CDC42BPA: variants seen among roughly 807,000 people sequenced by gnomAD.
CDC42BPA encodes CDC42 binding protein kinase alpha, also known as serine/threonine-protein kinase MRCK alpha.
In CDC42BPA, 80 loss-of-function variants were observed where a neutral mutation model predicts 223.5. The observed-to-expected ratio is 0.36, with a 90% CI of 0.30 to 0.43. CDC42BPA has a LOEUF of 0.43. Ranked by LOEUF, CDC42BPA falls within the 20% of genes least tolerant of loss-of-function variation. The pLI is 1.00. For synonymous variants in CDC42BPA, 694 were observed against 718.6 expected (o/e 0.97, Z 0.55); for missense variants, 1,743 against 2,099.9 (o/e 0.83, Z 3.32).
intron 33 of CDC42BPA, 138 bp from the exon 34 acceptor site, chr1:227,016,335 C>T (rs1207540367): frequency 1.6e-6 from 1 of 629,374 alleles, no homozygotes; most frequent in Non-Finnish European, 2.8e-6. Flanking sequence ...ACAGAATATA[C>T]TCAATTAAAA....
intron 2 of CDC42BPA, among the ~76,000 whole-genome samples, chr1:227,223,238 G>A (rs912076730): frequency 2.0e-5 from 3 of 152,164 alleles, no homozygotes; most frequent in Non-Finnish European, 4.4e-5. Context: ...AGTAGGGACA[G>A]CATAAGCAAG....
chr1:227,040,304 C>T, intron 23 of CDC42BPA, 68 bp from the exon 24 acceptor site: 1 of 845,940 alleles, frequency 1.2e-6, no homozygotes, highest in Non-Finnish European at 2.0e-6. Context: ...AGTCCTTATG[C>T]CCCATACCAC....
intron 2 of CDC42BPA, among the ~76,000 whole-genome samples, chr1:227,238,038 CAAAAAA>C (rs35731369): frequency 2.1e-4 from 19 of 91,290 alleles, no homozygotes; most frequent in African/African-American, 7.4e-4. Flanking sequence ...AACTCTGTCT[CAAAAAA>C]AAAAAAAAAA....
In CDC42BPA at chr1:227,006,829, C is replaced by T. The variant is rs537069287; in HGVS notation, c.4858-1718G>A. On this transcript the variant is annotated intron_variant, in intron 34 of 36. Transcript: ENST00000366766. ...GCACATGCCTGTAGTCCCAGCTACT[C>T]GGGAGTCTGAGGCAGGAGAATCACT... Among the ~76,000 whole-genome samples the T allele has an allele frequency of 5.9e-5, 9 of 152,118 alleles. No homozygotes were observed. In the South Asian group the frequency reaches 6.2e-4, roughly 11 times the overall value.
chr1:227,298,016 T>C (rs1691002646), intron 1 of CDC42BPA, among the ~76,000 whole-genome samples: 1 of 146,938 alleles, frequency 6.8e-6, no homozygotes, highest in African/African-American at 2.5e-5. Flanking sequence ...ATACATAATA[T>C]ATACATACAT....
At chr1:227,008,652 A>G (rs1012876185) in intron 34 of CDC42BPA, among the ~76,000 whole-genome samples, 5 of 152,180 alleles carry the variant, frequency 3.3e-5, no homozygotes, top group Admixed American at 3.3e-4. Context: ...CAAAACAACT[A>G]AAAAAGGGCC....
chr1:227,162,915 TGTGTGTTTCCAAACATATG>T (rs1664221625), intron 5 of CDC42BPA, among the ~76,000 whole-genome samples: 2 of 151,632 alleles, frequency 1.3e-5, no homozygotes, highest in African/African-American at 2.4e-5. Context: ...TGTGTATATG[TGTGTGTTTCCAAACATATG>T]TGTGTGTTTC....
intron 35 of CDC42BPA, among the ~76,000 whole-genome samples, chr1:227,003,219 T>C (rs1406429054): frequency 6.6e-6 from 1 of 152,190 alleles, no homozygotes; most frequent in East Asian, 1.9e-4. Context: ...ACAAGTAAGT[T>C]TTCTGACTCA....
chr1:227,006,431 G>T (rs1287291781), intron 34 of CDC42BPA, among the ~76,000 whole-genome samples: 1 of 152,162 alleles, frequency 6.6e-6, no homozygotes, highest in African/African-American at 2.4e-5. Context: ...AGGGCTTGGG[G>T]TTGCTAAACT....
intron 6 of CDC42BPA, among the ~76,000 whole-genome samples, chr1:227,154,273 A>G (rs1453857537): frequency 2.0e-5 from 3 of 151,964 alleles, no homozygotes; most frequent in Non-Finnish European, 2.9e-5. Context: ...TCTTAATTTG[A>G]TAAGATATAT....
intron 34 of CDC42BPA, among the ~76,000 whole-genome samples, chr1:227,015,419 T>A (rs1666011731): frequency 7.6e-6 from 1 of 131,462 alleles, no homozygotes; most frequent in African/African-American, 2.5e-5. Flanking sequence ...TGAGACTCCA[T>A]CTCAAAAAAA....
chr1:227,132,854 C>T (rs1449994809), intron 10 of CDC42BPA, among the ~76,000 whole-genome samples: 8 of 150,734 alleles, frequency 5.3e-5, no homozygotes, highest in African/African-American at 2.0e-4. Context: ...GCGTCTCTGC[C>T]CGGCCGCCCC....
rs565800905 is a variant in CDC42BPA at position 227,125,968 on chromosome 1, A to G, written c.1513+3141T>C. ...CAGCATCCACTTTGAATGCAGGTTT[A>G]GCTTTCTTGTTTCAGAGGCAGGGTT... is the stretch of plus-strand genomic sequence containing the variant. On this transcript the variant is annotated intron_variant, in intron 11 of 36. Coordinates refer to ENST00000366766, the MANE Select transcript of CDC42BPA (RefSeq NM_001394014.1). Among the ~76,000 whole-genome samples, 3 of 152,236 alleles carry G rather than the reference A, an allele frequency of 2.0e-5. No individual in the cohort carries two copies. The East Asian group carries it at 5.8e-4, about 29-fold the overall frequency.
rs1403607221 is a variant in CDC42BPA at position 227,024,301 on chromosome 1, C to A, written c.4531-954G>T. On this transcript the variant is annotated intron_variant, in intron 31 of 36. Coordinates refer to ENST00000366766, the MANE Select transcript of CDC42BPA (RefSeq NM_001394014.1). Reference sequence around the variant, plus strand: ...ACTACTTTGTAACCATTTACAAAACCTATGAATCCTGACAATGGAAAGTAC... The same window carrying A: ...ACTACTTTGTAACCATTTACAAAACATATGAATCCTGACAATGGAAAGTAC... 3.9e-5 allele frequency among the ~76,000 whole-genome samples: 6 copies of A among 152,146 alleles called. No homozygotes were observed. In the East Asian group the frequency reaches 1.2e-3, roughly 29 times the overall value.
intron 21 of CDC42BPA, among the ~76,000 whole-genome samples, chr1:227,053,487 T>A (rs1332743986): frequency 6.6e-6 from 1 of 152,110 alleles, no homozygotes; most frequent in Non-Finnish European, 1.5e-5. Context: ...TTTAAAAAAC[T>A]GGGCCACTGA....
intron 16 of CDC42BPA, among the ~76,000 whole-genome samples, chr1:227,086,088 G>A (rs1445130979): frequency 6.6e-6 from 1 of 151,652 alleles, no homozygotes; most frequent in Non-Finnish European, 1.5e-5. Context: ...AACAGAATAT[G>A]CAGTCTTTTG....
At chr1:227,301,961 G>A (rs1185327278) in intron 1 of CDC42BPA, among the ~76,000 whole-genome samples, 1 of 151,902 alleles carries the variant, frequency 6.6e-6, no homozygotes, top group Admixed American at 6.6e-5. Context: ...CATTTCCTAA[G>A]CAACCTTAAA....
chr1:227,205,639 T>C (rs1056233275), intron 3 of CDC42BPA, among the ~76,000 whole-genome samples: 1 of 152,074 alleles, frequency 6.6e-6, no homozygotes, highest in African/African-American at 2.4e-5. Flanking sequence ...ATAGAAAAAC[T>C]AATAAAACAA....
At chr1:227,093,095 A>G (rs907671735) in intron 15 of CDC42BPA, among the ~76,000 whole-genome samples, 15 of 152,228 alleles carry the variant, frequency 9.9e-5, no homozygotes, top group African/African-American at 3.6e-4. Context: ...TGCATTTAGT[A>G]GTCATGTCTC....
Sources: allele counts gnomAD v4.1 joint callset (sites outside exome capture counted in the v4.1 genomes callset), GRCh38; gene constraint gnomAD v4.1.1; transcripts MANE v1.5; gene names NCBI Gene and HGNC (gene_info 2026-07-23, HGNC 2026-07-21).